CPQ: variants seen among roughly 807,000 people sequenced by gnomAD.
The protein encoded by CPQ is carboxypeptidase Q, also known as Ser-Met dipeptidase.
CPQ carries 37 observed loss-of-function variants against 45.7 expected under a neutral mutation model. The ratio of observed to expected loss-of-function variants is 0.81; its 90% CI spans 0.62 to 1.07. CPQ has a LOEUF of 1.07. Among genes scored for constraint, CPQ ranks in the 50% least tolerant of loss-of-function variants. The pLI, the probability that CPQ is intolerant of heterozygous loss-of-function variation, is 0.00. For synonymous variants in CPQ, 186 were observed against 205.8 expected (o/e 0.90, Z 0.82); for missense variants, 537 against 572.9 (o/e 0.94, Z 0.64).
intron 4 of CPQ, among the ~76,000 whole-genome samples, chr8:96,911,051 G>A (rs1812653418): frequency 6.6e-6 from 1 of 151,854 alleles, no homozygotes; most frequent in Non-Finnish European, 1.5e-5. Context: ...TTGTAGTTAG[G>A]ACTTTTTATG....
intron 5 of CPQ, among the ~76,000 whole-genome samples, chr8:96,967,451 T>G (rs942038371): frequency 6.6e-6 from 1 of 152,206 alleles, no homozygotes; most frequent in Non-Finnish European, 1.5e-5. Flanking sequence ...GAATAAAAAT[T>G]GTATCTTCTT....
At chr8:96,781,461 A>G (rs1189592779) in intron 1 of CPQ, among the ~76,000 whole-genome samples, 1 of 152,204 alleles carries the variant, frequency 6.6e-6, no homozygotes, top group Admixed American at 6.6e-5. Flanking sequence ...CATTCCCTCA[A>G]TAAAGGCATT....
chr8:96,670,244 TA>T (rs1177939398), intron 1 of CPQ, among the ~76,000 whole-genome samples: 4 of 151,356 alleles, frequency 2.6e-5, no homozygotes, highest in Admixed American at 1.3e-4. Context: ...GCATGAGAGC[TA>T]AAACAAGAAG....
intron 3 of CPQ, among the ~76,000 whole-genome samples, chr8:96,866,712 A>G (rs1366285751): frequency 6.6e-6 from 1 of 152,076 alleles, no homozygotes; most frequent in Non-Finnish European, 1.5e-5. Flanking sequence ...AAGGCTATAC[A>G]TCACCATAGT....
Position 97,096,054 on chromosome 8 carries a change from GGATGAT to G in CPQ, c.1255+29866_1255+29871del, listed in dbSNP as rs59275267. ...TCCAGTGAAATTATAGTTGTGGTGG[GGATGAT>G]GATGATGATGATGATGATGATAGCT... On this transcript the variant is annotated intron_variant, in intron 7 of 7. Transcript: ENST00000220763. Among the ~76,000 whole-genome samples, 18 of 151,516 alleles carry G rather than the reference GGATGAT, an allele frequency of 1.2e-4. No homozygotes were observed. In the East Asian group the frequency reaches 2.3e-3, roughly 20 times the overall value.
chr8:96,841,738 G>A (rs994818938), intron 3 of CPQ, among the ~76,000 whole-genome samples: 1 of 152,190 alleles, frequency 6.6e-6, no homozygotes, highest in Non-Finnish European at 1.5e-5. Flanking sequence ...GGAGGAGGAA[G>A]AGGAGCAATT....
intron 1 of CPQ, among the ~76,000 whole-genome samples, chr8:96,708,435 GTGTATA>G (rs202187114): frequency 0.033 from 1,969 of 60,030 alleles, 47 homozygotes; most frequent in African/African-American, 0.066. Context: ...GTGTGTGTGT[GTGTATA>G]TATATATATA....
At chr8:97,010,570 C>A (rs1171906403) in intron 5 of CPQ, among the ~76,000 whole-genome samples, 1 of 152,178 alleles carries the variant, frequency 6.6e-6, no homozygotes, top group Non-Finnish European at 1.5e-5. Context: ...CTCCCCCAGC[C>A]TCACTGCCTC....
intron 4 of CPQ, among the ~76,000 whole-genome samples, chr8:96,899,432 G>A (rs1563524154): frequency 6.6e-6 from 1 of 152,148 alleles, no homozygotes; most frequent in East Asian, 1.9e-4. Flanking sequence ...AAATACATCA[G>A]ACTGTGTAAT....
chr8:96,970,051 A>G (rs1008459090), intron 5 of CPQ, among the ~76,000 whole-genome samples: 6 of 152,182 alleles, frequency 3.9e-5, no homozygotes, highest in Admixed American at 1.3e-4. Context: ...GCCATTTCCA[A>G]TGCAGTGGGT....
intron 3 of CPQ, among the ~76,000 whole-genome samples, chr8:96,862,399 TG>T (rs1811938153): frequency 6.6e-6 from 1 of 151,564 alleles, no homozygotes; most frequent in Non-Finnish European, 1.5e-5. Context: ...GCTCAATAAA[TG>T]GTAGTAATTA....
intron 5 of CPQ, among the ~76,000 whole-genome samples, chr8:97,019,084 C>A (rs1157393481): frequency 1.3e-5 from 2 of 152,094 alleles, no homozygotes; most frequent in Non-Finnish European, 1.5e-5. Flanking sequence ...TCTTCAGCCC[C>A]CTCAAAACAT....
chr8:96,806,400 C>A (rs765159956), intron 2 of CPQ, among the ~76,000 whole-genome samples: 35 of 152,126 alleles, frequency 2.3e-4, no homozygotes, highest in Non-Finnish European at 4.9e-4. Flanking sequence ...TGCAAATAAG[C>A]ATGACCTGAT....
At chr8:96,791,337 T>C (rs1810842652) in intron 2 of CPQ, among the ~76,000 whole-genome samples, 1 of 152,206 alleles carries the variant, frequency 6.6e-6, no homozygotes, top group Non-Finnish European at 1.5e-5. Flanking sequence ...AAGCCGTTGA[T>C]ACCTGTACTG....
intron 5 of CPQ, among the ~76,000 whole-genome samples, chr8:96,978,048 G>T (rs1813819472): frequency 6.6e-6 from 1 of 151,982 alleles, no homozygotes; most frequent in African/African-American, 2.4e-5. Flanking sequence ...TATGGCCATG[G>T]GGCATCTGTG....
intron 1 of CPQ, among the ~76,000 whole-genome samples, chr8:96,744,182 G>C (rs531758438): frequency 6.6e-6 from 1 of 152,358 alleles, no homozygotes; most frequent in African/African-American, 2.4e-5. Context: ...CTCCTGGTTC[G>C]CCGTTTTTTA....
At chr8:96,683,672 T>C (rs1809182700) in intron 1 of CPQ, among the ~76,000 whole-genome samples, 1 of 152,058 alleles carries the variant, frequency 6.6e-6, no homozygotes, top group South Asian at 2.1e-4. Flanking sequence ...ATTTTTTTCT[T>C]TTTATGGTGT....
At chr8:96,900,115 G>A (rs372459322) in intron 4 of CPQ, among the ~76,000 whole-genome samples, 13 of 152,092 alleles carry the variant, frequency 8.5e-5, no homozygotes, top group African/African-American at 3.1e-4. Flanking sequence ...TGAGAAAAGG[G>A]GGCTCAGAAA....
chr8:96,692,771 T>C (rs1189278453), intron 1 of CPQ, among the ~76,000 whole-genome samples: 1 of 152,118 alleles, frequency 6.6e-6, no homozygotes, highest in Admixed American at 6.6e-5. Context: ...AAATATTCAA[T>C]TCTTCAACAG....
Sources: allele counts gnomAD v4.1 joint callset (sites outside exome capture counted in the v4.1 genomes callset), GRCh38; gene constraint gnomAD v4.1.1; transcripts MANE v1.5; gene names NCBI Gene and HGNC (gene_info 2026-07-23, HGNC 2026-07-21).